The following RYR2 variants were observed in gnomAD, a reference collection of about 807,000 sequenced individuals.
The protein encoded by RYR2 is ryanodine receptor 2, also known as cardiac muscle ryanodine receptor-calcium release channel.
A neutral mutation model predicts 601.1 loss-of-function variants in RYR2; 227 were observed. The observed-to-expected ratio is 0.38, with a 90% CI of 0.34 to 0.42. The LOEUF (loss-of-function observed/expected upper bound fraction) is 0.42. Ranked by LOEUF, RYR2 falls within the 10% of genes least tolerant of loss-of-function variation. The pLI is 1.00. For synonymous variants in RYR2, 2,223 were observed against 2,175.1 expected, an observed-to-expected ratio of 1.02 and a Z score of -0.61; for missense variants, 4,646 against 6,156.5, an observed-to-expected ratio of 0.75 and a Z score of 8.21.
At chr1:237,679,860 G>A (rs189734752) in intron 61 of RYR2, among the ~76,000 whole-genome samples, 10 of 152,304 alleles carry the variant, frequency 6.6e-5, no homozygotes, top group Admixed American at 2.6e-4. Context: ...AGGGAATGGC[G>A]TGTACGAGGC....
intron 1 of RYR2, among the ~76,000 whole-genome samples, chr1:237,209,020 A>C (rs1682234987): frequency 7.2e-6 from 1 of 139,544 alleles, no homozygotes; most frequent in Non-Finnish European, 1.5e-5. Context: ...CAGCCATGTG[A>C]AAATTTTTTA....
At position 237,573,637 on chromosome 1, in the gene RYR2, C is replaced by G. The variant is rs147592982; in HGVS notation, c.3598+4318C>G. Among the ~76,000 whole-genome samples the G allele has an allele frequency of 3.1e-3, 471 of 150,300 alleles. 9 individuals carry two copies. In the East Asian group the frequency reaches 0.06, roughly 19 times the overall value. ...ACCATCCTGGCTAACACGGTGAAAC[C>G]CTGTCTCTACTAAAAATACAAAAAA... is the stretch of plus-strand genomic sequence containing the variant. On this transcript the variant is annotated intron_variant, in intron 29 of 104. Transcript: ENST00000366574.
chr1:237,832,559 A>G lies in RYR2; in HGVS notation c.14816A>G (p.Tyr4939Cys). The change falls in exon 105 of 105, where the codon TAT (tyrosine) becomes TGT (cysteine). Residue 4939 changes from tyrosine (Y) to cysteine (C), a missense_variant. Around this residue, in one of 17 missense-constraint regions of RYR2, gnomAD observed 55 missense variants for 204.7 expected, o/e 0.27. Transcript: ENST00000366574. ...TTTCCTTGACTTTTGCAGGAATCTT[A>G]TGTCTGGAAGATGTATCAAGAAAGG... is the stretch of plus-strand genomic sequence containing the variant. ...DETEHTGQES[Y>C]VWKMYQERCW... is the part of the protein sequence containing the mutation. The G allele has an allele frequency of 6.2e-7, 1 of 1,606,350 alleles. No homozygotes were observed.
intron 60 of RYR2, among the ~76,000 whole-genome samples, chr1:237,676,634 T>G (rs1169083034): frequency 6.6e-6 from 1 of 152,204 alleles, no homozygotes. Context: ...TCTTTCATTG[T>G]TATCGCAAGT....
At chr1:237,305,652 G>A (rs1314419999) in intron 2 of RYR2, among the ~76,000 whole-genome samples, 1 of 152,174 alleles carries the variant, frequency 6.6e-6, no homozygotes, top group East Asian at 1.9e-4. Context: ...GGCTGGTCTT[G>A]AACTCCTGGG....
intron 1 of RYR2, among the ~76,000 whole-genome samples, chr1:237,255,838 AGTGTGTGTGTGT>A (rs4006354): frequency 2.1e-5 from 3 of 142,858 alleles, no homozygotes; most frequent in Admixed American, 7.0e-5. Flanking sequence ...TTGCTATACC[AGTGTGTGTGTGT>A]GTGTGTGTGT....
chr1:237,618,562 A>G (rs1314410844), intron 38 of RYR2, among the ~76,000 whole-genome samples: 3 of 152,170 alleles, frequency 2.0e-5, no homozygotes, highest in African/African-American at 7.2e-5. Flanking sequence ...ACAACCAGGA[A>G]ACACCAATGG....
rs539904475 is a variant in RYR2, at chr1:237,377,266, A to C, written c.464-57A>C. 23 of 1,314,374 alleles carry C rather than the reference A, an allele frequency of 1.7e-5. No individual in the cohort carries two copies. The South Asian group carries it at 2.1e-4, about 12-fold the overall frequency. 81.4% of individuals were successfully genotyped at this position (1,314,374 alleles called of 1,614,324 possible). ...GTGTGTTGGGAATCATTGGCAAAGAAAATAGATTTTAATTAAGAGGAACTT... is the reference window on the plus strand; with the variant it reads ...GTGTGTTGGGAATCATTGGCAAAGACAATAGATTTTAATTAAGAGGAACTT... On this transcript the variant is annotated intron_variant, in intron 7 of 104. Coordinates refer to ENST00000366574, the MANE Select transcript of RYR2 (RefSeq NM_001035.3).
At chr1:237,786,095 C>A in intron 91 of RYR2, 59 bp downstream of exon 91, 1 of 1,060,726 alleles carries the variant, frequency 9.4e-7, no homozygotes, top group South Asian at 1.4e-5. Flanking sequence ...ATCTCTTTTT[C>A]TTGTACTCTG....
chr1:237,494,940 A>G (rs906492139), intron 19 of RYR2, among the ~76,000 whole-genome samples: 10 of 151,816 alleles, frequency 6.6e-5, no homozygotes, highest in African/African-American at 1.9e-4. Flanking sequence ...ACAGGTGCAC[A>G]CCACCACACC....
chr1:237,395,533 CTTTTTTTTTTTTTTTT>C (rs71180022), intron 10 of RYR2, among the ~76,000 whole-genome samples: 2 of 87,426 alleles, frequency 2.3e-5, no homozygotes, highest in African/African-American at 9.3e-5. Flanking sequence ...GTAGGACTGT[CTTTTTTTTTTTTTTTT>C]TTTTTTTTTT....
At chr1:237,394,306 ATTG>A (rs1448478583) in intron 10 of RYR2, among the ~76,000 whole-genome samples, 7 of 152,332 alleles carry the variant, frequency 4.6e-5, no homozygotes, top group East Asian at 3.9e-4. Flanking sequence ...AGTGTAAGCT[ATTG>A]TTGTTTCAAA....
At chr1:237,249,536 G>T (rs960960060) in intron 1 of RYR2, among the ~76,000 whole-genome samples, 1 of 152,142 alleles carries the variant, frequency 6.6e-6, no homozygotes, top group East Asian at 1.9e-4. Context: ...TATAGTTAAG[G>T]AGCAAGTGTA....
At chr1:237,399,222 A>G (rs1558752650) in intron 10 of RYR2, among the ~76,000 whole-genome samples, 2 of 152,086 alleles carry the variant, frequency 1.3e-5, no homozygotes, top group Non-Finnish European at 2.9e-5. Context: ...TAAAAATTGA[A>G]CACACAGCAA....
chr1:237,155,152 A>G (rs1184600734), intron 1 of RYR2, among the ~76,000 whole-genome samples: 2 of 149,690 alleles, frequency 1.3e-5, no homozygotes, highest in South Asian at 4.2e-4. Context: ...GTTACTGAAT[A>G]ATGGTATATA....
intron 2 of RYR2, among the ~76,000 whole-genome samples, chr1:237,321,414 T>G (rs1451763653): frequency 6.6e-6 from 1 of 152,178 alleles, no homozygotes. Context: ...AACAGATTTC[T>G]TAACTTGGAG....
chr1:237,831,000 C>T (rs6429040), intron 103 of RYR2, among the ~76,000 whole-genome samples: 81,576 of 151,974 alleles, frequency 0.54, 22,624 homozygotes, highest in African/African-American at 0.68. Flanking sequence ...TTTCAGATCT[C>T]GTCAGGCACT....
At chr1:237,698,583 T>G (rs1029016211) in intron 63 of RYR2, among the ~76,000 whole-genome samples, 2 of 152,284 alleles carry the variant, frequency 1.3e-5, no homozygotes, top group African/African-American at 2.4e-5. Context: ...ATTTTTAAAC[T>G]TTAAGCCCAC....
At chr1:237,675,268 T>C (rs1464056783) in intron 60 of RYR2, among the ~76,000 whole-genome samples, 1 of 152,150 alleles carries the variant, frequency 6.6e-6, no homozygotes, top group African/African-American at 2.4e-5. Context: ...AACACGTTAA[T>C]ACTAGAGTAA....
Sources: gnomAD v4.1 joint callset for allele counts (sites outside exome capture counted in the v4.1 genomes callset) on GRCh38, gnomAD v4.1.1 for gene constraint, gnomAD v4.1.1 regional missense constraint, MANE v1.5 for transcripts, NCBI Gene and HGNC (gene_info 2026-07-23, HGNC 2026-07-21) for gene names.